METTL15: variants seen among roughly 807,000 people sequenced by gnomAD.
METTL15 encodes the protein 12S rRNA N(4)-cytidine methyltransferase METTL15.
Under a neutral mutation model 38.3 loss-of-function variants are expected in METTL15, and 34 were observed. The observed-to-expected ratio is 0.89, with a 90% CI of 0.68 to 1.18. The LOEUF (loss-of-function observed/expected upper bound fraction) is 1.18, where lower values mean the gene tolerates loss of function less well. METTL15 is among the 50% of genes most tolerant of loss of function. The probability of loss-of-function intolerance (pLI) is 0.00; values close to 1 mark genes in which losing one functional copy is unlikely to be tolerated. For missense variants in METTL15, 438 were observed against 498.4 expected (o/e 0.88, Z 1.15); for synonymous variants, 162 against 170.9 (o/e 0.95, Z 0.41).
chr11:28,332,325 T>C lies in METTL15; in HGVS notation c.*1484T>C, dbSNP rs1171592555. The stretch of plus-strand genomic sequence containing the variant: ...CTTGAACATTGTATAAATTTCTCTT[T>C]GCATATAATACATATTTGTGAATGA... On this transcript the variant is annotated 3_prime_UTR_variant, in exon 7 of 7. Transcript: ENST00000407364. 6.6e-6 allele frequency: 1 copy of C among 152,198 alleles called. No homozygotes were observed. The highest frequency in any genetic ancestry group is 1.5e-5 in the Non-Finnish European group (1 of 68,030). 9.4% of individuals were successfully genotyped at this position (152,198 alleles called of 1,614,324 possible).
At chr11:28,349,717 A>T (rs1850026003) in intron 3 of METTL15, among the ~76,000 whole-genome samples, 1 of 152,190 alleles carries the variant, frequency 6.6e-6, no homozygotes, top group African/African-American at 2.4e-5. Flanking sequence ...TAACAAGTAT[A>T]TTTACCACAT....
intron 3 of METTL15, among the ~76,000 whole-genome samples, chr11:28,144,390 A>AT (rs1849807737): frequency 6.6e-6 from 1 of 152,310 alleles, no homozygotes; most frequent in Non-Finnish European, 1.5e-5. Context: ...CTTGGACCAT[A>AT]TAATATTCGC....
chr11:28,359,866 A>C (rs561267820), intron 4 of METTL15, among the ~76,000 whole-genome samples: 1 of 152,324 alleles, frequency 6.6e-6, no homozygotes, highest in African/African-American at 2.4e-5. Context: ...TTATATAGAT[A>C]TTAACTTCTA....
chr11:28,184,474 G>C (rs1165426659), intron 3 of METTL15, among the ~76,000 whole-genome samples: 1 of 151,716 alleles, frequency 6.6e-6, no homozygotes. Flanking sequence ...CGTTCTCATT[G>C]GTTTCAAAGA....
chr11:28,361,449 A>G (rs1850137461), intron 4 of METTL15, among the ~76,000 whole-genome samples: 1 of 152,284 alleles, frequency 6.6e-6, no homozygotes, highest in African/African-American at 2.4e-5. Flanking sequence ...TTATTTGAGA[A>G]CACCCTACCT....
At chr11:28,391,602 G>T (rs1291668096) in intron 5 of METTL15, among the ~76,000 whole-genome samples, 1 of 152,022 alleles carries the variant, frequency 6.6e-6, no homozygotes, top group Non-Finnish European at 1.5e-5. Flanking sequence ...GCATGGTACT[G>T]GTACCAAAAC....
chr11:28,254,321 T>G (rs1409680502), intron 4 of METTL15, among the ~76,000 whole-genome samples: 1 of 152,128 alleles, frequency 6.6e-6, no homozygotes, highest in Non-Finnish European at 1.5e-5. Context: ...ACTTTTTATA[T>G]CGGATTATTA....
At chr11:28,323,039 T>TAGTTA (rs1849521695) in intron 6 of METTL15, among the ~76,000 whole-genome samples, 2 of 152,174 alleles carry the variant, frequency 1.3e-5, no homozygotes, top group African/African-American at 4.8e-5. Flanking sequence ...TATGTATATA[T>TAGTTA]ATGCACATAT....
intron 4 of METTL15, among the ~76,000 whole-genome samples, chr11:28,215,132 AACTG>A (rs1852807585): frequency 6.6e-6 from 1 of 152,218 alleles, no homozygotes; most frequent in South Asian, 2.1e-4. Flanking sequence ...GTCTAATGCT[AACTG>A]ACTGAGTTGG....
chr11:28,307,723 AC>A (rs1454397675), intron 6 of METTL15, among the ~76,000 whole-genome samples: 12 of 151,962 alleles, frequency 7.9e-5, no homozygotes, highest in Admixed American at 7.9e-4. Flanking sequence ...TATCGACTTA[AC>A]CATCAGGTAT....
chr11:28,437,904 C>A (rs572952985), intron 6 of METTL15, among the ~76,000 whole-genome samples: 1 of 152,222 alleles, frequency 6.6e-6, no homozygotes, highest in South Asian at 2.1e-4. Context: ...ATAAATGAAC[C>A]AAATTTCTAC....
At chr11:28,409,443 C>T (rs1202029130) in intron 5 of METTL15, among the ~76,000 whole-genome samples, 1 of 135,498 alleles carries the variant, frequency 7.4e-6, no homozygotes, top group Non-Finnish European at 1.6e-5. Context: ...TTTCTGATTA[C>T]AATGTTATGA....
Position 28,386,591 on chromosome 11 carries a change from T to C in METTL15, c.*358+24555T>C, listed in dbSNP as rs117875835. 2.8e-3 allele frequency among the ~76,000 whole-genome samples: 431 copies of C among 152,132 alleles called. 5 individuals are homozygous for C. The highest frequency in any genetic ancestry group is 0.02 in the Admixed American group (306 of 15,276). ...AATATATGAGCAAATATTGACAGAA[T>C]TGAAAGGAGAAATAAATGATAACAC... On this transcript the variant is annotated intron_variant and NMD_transcript_variant, in intron 5 of 7. Transcript: ENST00000532947.
intron 5 of METTL15, among the ~76,000 whole-genome samples, chr11:28,405,052 A>G (rs184110716): frequency 6.6e-6 from 1 of 152,300 alleles, no homozygotes; most frequent in African/African-American, 2.4e-5. Flanking sequence ...TAAATCATTC[A>G]TTGAACAAAC....
intron 4 of METTL15, among the ~76,000 whole-genome samples, chr11:28,253,520 T>C (rs1435998874): frequency 6.6e-6 from 1 of 152,200 alleles, no homozygotes; most frequent in African/African-American, 2.4e-5. Context: ...ATAGTCACCC[T>C]ATTTTACTGT....
chr11:28,374,182 T>G (rs111556429), intron 5 of METTL15, among the ~76,000 whole-genome samples: 2 of 152,144 alleles, frequency 1.3e-5, no homozygotes, highest in Non-Finnish European at 2.9e-5. Context: ...CTTAAAGTAG[T>G]TTTTTCCAAT....
intron 4 of METTL15, among the ~76,000 whole-genome samples, chr11:28,211,879 A>G (rs1852657099): frequency 6.6e-6 from 1 of 151,964 alleles, no homozygotes; most frequent in Non-Finnish European, 1.5e-5. Flanking sequence ...AGGAATGGGA[A>G]ATTGTTTTAT....
At chr11:28,164,386 G>A (rs1281370946) in intron 3 of METTL15, among the ~76,000 whole-genome samples, 4 of 152,046 alleles carry the variant, frequency 2.6e-5, no homozygotes, top group South Asian at 2.1e-4. Flanking sequence ...ACTGTAGAAC[G>A]TATTTATTTA....
chr11:28,113,276 T>G lies in METTL15; in HGVS notation c.-17-42T>G. The G allele has an allele frequency of 3.0e-6, 4 of 1,346,316 alleles. No homozygotes were observed. The East Asian group carries it at 9.3e-5, about 31-fold the overall frequency. 83.4% of individuals were successfully genotyped at this position (1,346,316 alleles called of 1,614,324 possible). A position where few individuals can be genotyped will look rare whatever the true frequency, so the allele number is the denominator to read the frequency against. On this transcript the variant is annotated intron_variant, in intron 2 of 6. Coordinates refer to ENST00000407364, the MANE Select transcript of METTL15 (RefSeq NM_001113528.2). ...TTTTCCCCAAGTATTAGAACATTCT[T>G]TTAAAAAAATCCAACAATCATATTT...
Sources: gnomAD v4.1 joint callset for allele counts (sites outside exome capture counted in the v4.1 genomes callset) on GRCh38, gnomAD v4.1.1 for gene constraint, MANE v1.5 for transcripts, NCBI Gene and HGNC (gene_info 2026-07-23, HGNC 2026-07-21) for gene names.